Variants in SMYD2 observed in about 807,000 individuals in gnomAD.
SMYD2 encodes N-lysine methyltransferase SMYD2.
Under a neutral mutation model 59.1 loss-of-function variants are expected in SMYD2, and 53 were observed. The ratio of observed to expected loss-of-function variants is 0.90; its 90% CI spans 0.72 to 1.13. SMYD2 has a LOEUF of 1.13. Among genes scored for constraint, SMYD2 ranks in the 50% most tolerant of loss-of-function variants. SMYD2 has a pLI of 0.00. For synonymous variants in SMYD2, 208 were observed against 198.8 expected (o/e 1.05, Z -0.39); for missense variants, 494 against 544.7 (o/e 0.91, Z 0.93).
intron 5 of SMYD2, among the ~76,000 whole-genome samples, chr1:214,321,128 A>G (rs1260531782): frequency 6.6e-6 from 1 of 152,192 alleles, no homozygotes; most frequent in Non-Finnish European, 1.5e-5. Context: ...ATATTTTCAT[A>G]ACCAAAAATC....
At position 214,281,207 on chromosome 1, in the gene SMYD2, C is replaced by T. The variant is rs539395206; in HGVS notation, c.-48C>T. On this transcript the variant is annotated 5_prime_UTR_variant, in exon 1 of 12. Coordinates refer to ENST00000366957, the MANE Select transcript of SMYD2 (RefSeq NM_020197.3). ...TGACGCGTCTCCAATAACAGCTCGC[C>T]GGGAGCCGCAGCTCGGGCACAGCCG... The T allele has an allele frequency of 8.2e-6, 10 of 1,212,652 alleles. No homozygotes were observed. In the East Asian group the frequency reaches 2.6e-4, roughly 32 times the overall value. 75.1% of individuals were successfully genotyped at this position (1,212,652 alleles called of 1,614,324 possible). A position where few individuals can be genotyped will look rare whatever the true frequency, so the allele number is the denominator to read the frequency against.
chr1:214,282,206 T>C (rs1212961166), intron 1 of SMYD2, among the ~76,000 whole-genome samples: 2 of 152,226 alleles, frequency 1.3e-5, no homozygotes, highest in African/African-American at 4.8e-5. Context: ...TATCCTCAAC[T>C]CTTATGAGAG....
intron 11 of SMYD2, 145 bp downstream of exon 11, chr1:214,334,453 TG>T: frequency 1.4e-6 from 1 of 730,466 alleles, no homozygotes; most frequent in South Asian, 1.7e-5. Flanking sequence ...GCAGCGGGGG[TG>T]GGTCCTGCAG....
chr1:214,319,548 T>G (rs1657137677), intron 5 of SMYD2, among the ~76,000 whole-genome samples: 1 of 152,200 alleles, frequency 6.6e-6, no homozygotes, highest in Admixed American at 6.5e-5. Flanking sequence ...TAAGGAAATC[T>G]TAGGCTTCTA....
At position 214,289,156 on chromosome 1, in the gene SMYD2, A is replaced by C. The variant is rs74377874; in HGVS notation, c.173+7729A>C. 6.6e-3 allele frequency among the ~76,000 whole-genome samples: 998 copies of C among 152,300 alleles called. 12 individuals carry two copies. Among genetic ancestry groups the C allele is most frequent in the African/African-American group, 0.023 (946 of 41,540 alleles). On this transcript the variant is annotated intron_variant, in intron 1 of 11. Transcript: ENST00000366957. ...GAGAAGATCCAGGGCTCACTGCTAT[A>C]GTTTGGCAGGAACCTGGTCTTTGGG... is the stretch of plus-strand genomic sequence containing the variant.
chr1:214,316,861 T>G (rs1231361027), intron 3 of SMYD2, among the ~76,000 whole-genome samples: 1 of 152,178 alleles, frequency 6.6e-6, no homozygotes, highest in East Asian at 1.9e-4. Flanking sequence ...ATTTTTAAAT[T>G]TATGCAGAGT....
At chr1:214,305,356 T>C (rs753571402) in intron 2 of SMYD2, 106 bp downstream of exon 2, 17 of 1,119,904 alleles carry the variant, frequency 1.5e-5, no homozygotes, top group South Asian at 1.0e-4. Context: ...CTGGAAAGCA[T>C]AGGATGTGGC....
chr1:214,322,921 T>C (rs1657195904), intron 5 of SMYD2, among the ~76,000 whole-genome samples: 1 of 152,204 alleles, frequency 6.6e-6, no homozygotes, highest in Non-Finnish European at 1.5e-5. Context: ...CAGAGGATGC[T>C]AGTTTTACAA....
chr1:214,318,965 C>G lies in SMYD2; in HGVS notation c.516C>G (p.Leu172=). 1 of 1,614,072 alleles carries G rather than the reference C, an allele frequency of 6.2e-7. No homozygotes were observed. The highest frequency in any genetic ancestry group is 1.1e-5 in the South Asian group (1 of 91,068). ...TCGGATTCCCTGACAATGATAGCCT[C>G]GTAGTACTCTTTGCACAGGTAAGGA... ...KHLGFPDNDS[L]VVLFAQVNCN... is the part of the protein sequence containing the mutation. Residue 172 remains leucine, a synonymous_variant, in exon 5 of 12, where the codon CTC becomes CTG. Transcript: ENST00000366957. This position sits in a 1 kb window ranked among gnomAD's most constrained non-coding sequence, Gnocchi z 5.4.
At chr1:214,329,081 T>C (rs1657309002) in intron 7 of SMYD2, among the ~76,000 whole-genome samples, 1 of 152,170 alleles carries the variant, frequency 6.6e-6, no homozygotes, top group Non-Finnish European at 1.5e-5. Flanking sequence ...GCTCTTGTGG[T>C]GTGAGGCAGG....
rs1433233224 is a variant in SMYD2, at chr1:214,331,179, A to G, written c.937+109A>G. 7.3e-6 allele frequency: 11 copies of G among 1,496,690 alleles called. No homozygotes were observed. The Admixed American group carries it at 1.7e-4, about 23-fold the overall frequency. 92.7% of individuals were successfully genotyped at this position (1,496,690 alleles called of 1,614,324 possible). A position where few individuals can be genotyped will look rare whatever the true frequency, so the allele number is the denominator to read the frequency against. ...GATGGATTTAAGATTCTGAAAACCA[A>G]AGGAGGAATGTCTCCTAGTAAATGT... On this transcript the variant is annotated intron_variant, in intron 9 of 11. Transcript: ENST00000366957.
At chr1:214,286,909 G>A (rs1656557725) in intron 1 of SMYD2, among the ~76,000 whole-genome samples, 1 of 148,686 alleles carries the variant, frequency 6.7e-6, no homozygotes, top group South Asian at 2.1e-4. Flanking sequence ...AGAGTGCAAT[G>A]GCACAATCTC....
chr1:214,306,147 C>T lies in SMYD2; in HGVS notation c.237+897C>T, dbSNP rs528387721. Among the ~76,000 whole-genome samples, 22 of 152,244 alleles carry T rather than the reference C, an allele frequency of 1.4e-4. No individual in the cohort carries two copies. The South Asian group carries it at 3.3e-3, about 23-fold the overall frequency. The stretch of plus-strand genomic sequence containing the variant: ...GTGATGCTGTTAAAGGGTGGCTCTA[C>T]GGGACAGGGAAGATTTTCTCTATAG... On this transcript the variant is annotated intron_variant, in intron 2 of 11. Transcript: ENST00000366957.
intron 3 of SMYD2, among the ~76,000 whole-genome samples, chr1:214,315,148 A>T (rs1368471655): frequency 6.6e-6 from 1 of 152,234 alleles, no homozygotes; most frequent in Non-Finnish European, 1.5e-5. Context: ...ACATGGAAAT[A>T]CGTGACATGA....
chr1:214,330,575 A>G (rs1657336619), intron 8 of SMYD2, among the ~76,000 whole-genome samples: 1 of 152,184 alleles, frequency 6.6e-6, no homozygotes, highest in East Asian at 1.9e-4. Flanking sequence ...CATGAGTATA[A>G]TCTCTAGGCT....
At position 214,318,844 on chromosome 1, in the gene SMYD2, AT is replaced by A; in HGVS notation, c.410-13del. The A allele has an allele frequency of 1.2e-6, 2 of 1,613,084 alleles. No individual in the cohort carries two copies. Among genetic ancestry groups the A allele is most frequent in the Non-Finnish European group, 1.7e-6 (2 of 1,179,798 alleles). On this transcript the variant is annotated splice_polypyrimidine_tract_variant and intron_variant, in intron 4 of 11. Transcript: ENST00000366957. The surrounding 1 kb of genome is among the most constrained non-coding windows in gnomAD (Gnocchi z 5.4). ...ACGCTTTCTACTGGGTGAATAATGG[AT>A]TATTTATCCACAGATCTGGATAAGT...
intron 1 of SMYD2, among the ~76,000 whole-genome samples, chr1:214,295,575 C>T (rs1172858900): frequency 1.3e-5 from 2 of 152,170 alleles, no homozygotes; most frequent in Non-Finnish European, 2.9e-5. Context: ...TGCTACCTTA[C>T]TGCCCTAAAT....
intron 3 of SMYD2, among the ~76,000 whole-genome samples, 184 bp from the exon 4 acceptor site, chr1:214,317,895 C>T (rs1009369634): frequency 6.6e-6 from 1 of 152,126 alleles, no homozygotes; most frequent in Non-Finnish European, 1.5e-5. Flanking sequence ...TTTAAAAAAG[C>T]GCTTTAGAAG....
At chr1:214,327,563 G>A in intron 6 of SMYD2, 59 bp from the exon 7 acceptor site, 1 of 1,363,384 alleles carries the variant, frequency 7.3e-7, no homozygotes, top group Non-Finnish European at 1.0e-6. Flanking sequence ...AGTAGTGAAG[G>A]AAGCTAAACA....
Sources: allele counts gnomAD v4.1 joint callset (sites outside exome capture counted in the v4.1 genomes callset), GRCh38; gene constraint gnomAD v4.1.1; non-coding constraint Gnocchi (gnomAD v3.1); transcripts MANE v1.5; gene names NCBI Gene and HGNC (gene_info 2026-07-23, HGNC 2026-07-21).